Variants in RYK observed in about 807,000 individuals in gnomAD.
RYK encodes the protein receptor like tyrosine kinase.
RYK carries 21 observed loss-of-function variants against 70.2 expected under a neutral mutation model. That is an observed-to-expected ratio of 0.30 (90% CI 0.21 to 0.43). RYK has a LOEUF of 0.43. RYK is among the 20% of genes least tolerant of loss of function. The pLI is 1.00. For missense variants in RYK, 604 were observed against 753.3 expected (o/e 0.80, Z 2.32); for synonymous variants, 267 against 278.0 (o/e 0.96, Z 0.39).
At chr3:134,163,020 G>C (rs1187375395) in intron 13 of RYK, among the ~76,000 whole-genome samples, 3 of 152,184 alleles carry the variant, frequency 2.0e-5, no homozygotes, top group African/African-American at 7.2e-5. Flanking sequence ...TTGAGATCTG[G>C]AGTTGAATGT....
intron 1 of RYK, among the ~76,000 whole-genome samples, chr3:134,233,033 A>G (rs548486650): frequency 1.3e-5 from 2 of 152,364 alleles, no homozygotes; most frequent in South Asian, 4.1e-4. Flanking sequence ...AGCAAGCTGC[A>G]CTTACTCTGG....
chr3:134,236,042 G>A (rs145027348), intron 1 of RYK, among the ~76,000 whole-genome samples: 18 of 151,942 alleles, frequency 1.2e-4, no homozygotes, highest in Admixed American at 2.0e-4. Context: ...TGGGACACCC[G>A]CATGGTCAAA....
At chr3:134,189,392 C>A (rs772261596) in intron 8 of RYK, among the ~76,000 whole-genome samples, 2 of 152,126 alleles carry the variant, frequency 1.3e-5, no homozygotes, top group Non-Finnish European at 2.9e-5. Flanking sequence ...ATTCCTTCTA[C>A]CACTCACTCC....
At chr3:134,248,645 T>C (rs1260199301) in intron 1 of RYK, among the ~76,000 whole-genome samples, 1 of 151,928 alleles carries the variant, frequency 6.6e-6, no homozygotes, top group Middle Eastern at 3.2e-3. Flanking sequence ...GGTGAAACCC[T>C]GTCTCTACTA....
chr3:134,216,402 ACGAATTCCT>A lies in RYK; in HGVS notation c.355-4804_355-4796del, dbSNP rs200880048. On this transcript the variant is annotated intron_variant, in intron 2 of 14. Coordinates refer to ENST00000623711, the MANE Select transcript of RYK (RefSeq NM_002958.4). ...TCCCTGCAACTCCTAGAAAATGATG[ACGAATTCCT>A]GAAAGCACAGAACAGCCATGGGGTA... 3.0e-3 allele frequency among the ~76,000 whole-genome samples: 452 copies of A among 152,256 alleles called. 2 individuals are homozygous for A. The highest frequency in any genetic ancestry group is 9.9e-3 in the African/African-American group (410 of 41,546).
chr3:134,185,756 T>C (rs2013440352), intron 9 of RYK, among the ~76,000 whole-genome samples: 1 of 152,240 alleles, frequency 6.6e-6, no homozygotes, highest in South Asian at 2.1e-4. Context: ...AAAAGACTTT[T>C]ACCATTCCCT....
Position 134,232,314 on chromosome 3 carries a change from GA to G in RYK, c.233-9776del, listed in dbSNP as rs199999503. On this transcript the variant is annotated intron_variant, in intron 1 of 14. Transcript: ENST00000623711. ...ACATCAGACATACACCATCAGCTCA[GA>G]AAAAAACACCCAATCTTGAACTCAC... is the stretch of plus-strand genomic sequence containing the variant. Among the ~76,000 whole-genome samples, 549 of 152,052 alleles carry G rather than the reference GA, an allele frequency of 3.6e-3. 3 individuals are homozygous for G. The highest frequency in any genetic ancestry group is 6.4e-3 in the Non-Finnish European group (433 of 67,970).
In RYK at chr3:134,161,739, T is replaced by A. The variant is rs78324873; in HGVS notation, c.1576-2366A>T. On this transcript the variant is annotated intron_variant, in intron 13 of 14. Coordinates refer to ENST00000623711, the MANE Select transcript of RYK (RefSeq NM_002958.4). ...AACAGAACATCTATATAGCCCTACA[T>A]CTATTAAAGATACTGAATTCACAAT... 2.5e-3 allele frequency among the ~76,000 whole-genome samples: 381 copies of A among 152,240 alleles called. 1 individual carries two copies. Among genetic ancestry groups the A allele is most frequent in the African/African-American group, 8.5e-3 (352 of 41,528 alleles).
intron 5 of RYK, among the ~76,000 whole-genome samples, chr3:134,206,334 C>G (rs1297965133): frequency 6.6e-6 from 1 of 152,040 alleles, no homozygotes; most frequent in Admixed American, 6.5e-5. Context: ...GAAAAACAAA[C>G]AAACAAACAT....
At position 134,202,836 on chromosome 3, in the gene RYK, C is replaced by A. The variant is rs2014068560; in HGVS notation, c.682G>T (p.Val228Leu). 12 of 1,613,700 alleles carry A rather than the reference C, an allele frequency of 7.4e-6. No individual in the cohort carries two copies. In the East Asian group the frequency reaches 2.7e-4, roughly 36 times the overall value. Reference sequence around the variant, plus strand: ...CAAACCCCTACACTAATATAAAACACACGCGTAGAAGTGGTTGGAGCTGCA... The same window carrying A: ...CAAACCCCTACACTAATATAAAACAAACGCGTAGAAGTGGTTGGAGCTGCA... ...VHAAPTTSTRVFYISVGVCCA... is the reference protein window; with the variant it reads ...VHAAPTTSTRLFYISVGVCCA... Residue 228 changes from valine to leucine, a missense_variant, in exon 6 of 15, where the codon GTG (valine) becomes TTG (leucine). Transcript: ENST00000623711.
intron 9 of RYK, chr3:134,183,507 A>T (rs192127441): frequency 3.9e-5 from 6 of 152,378 alleles, no homozygotes; most frequent in Admixed American, 3.3e-4. Context: ...TAAGAAATGC[A>T]AATTAAACCA....
At chr3:134,188,104 T>C (rs1032548282) in intron 9 of RYK, among the ~76,000 whole-genome samples, 1 of 151,450 alleles carries the variant, frequency 6.6e-6, no homozygotes, top group African/African-American at 2.4e-5. Flanking sequence ...AGTTATTCTG[T>C]TCATGACAAT....
At chr3:134,160,613 A>C (rs1406607996) in intron 13 of RYK, among the ~76,000 whole-genome samples, 1 of 152,186 alleles carries the variant, frequency 6.6e-6, no homozygotes, top group East Asian at 1.9e-4. Context: ...CACACCTGTA[A>C]TCCCAGCACT....
intron 9 of RYK, among the ~76,000 whole-genome samples, chr3:134,185,410 C>T (rs913319656): frequency 6.6e-6 from 1 of 152,222 alleles, no homozygotes; most frequent in African/African-American, 2.4e-5. Flanking sequence ...CTTCGTCTTG[C>T]TTCACTTCCA....
chr3:134,220,484 T>C (rs980099500), intron 2 of RYK, among the ~76,000 whole-genome samples: 5 of 152,026 alleles, frequency 3.3e-5, no homozygotes, highest in Non-Finnish European at 7.4e-5. Flanking sequence ...TATTAGAAAA[T>C]GAAGGTCAAA....
rs749356153 is a variant in RYK at position 134,175,656 on chromosome 3, C to A, written c.1528G>T (p.Ala510Ser). 6.2e-7 allele frequency: 1 copy of A among 1,613,872 alleles called. No individual in the cohort carries two copies. Among genetic ancestry groups the A allele is most frequent in the Non-Finnish European group, 8.5e-7 (1 of 1,179,896 alleles). The change falls in exon 13 of 15, where the codon GCT becomes TCT. Residue 510 changes from alanine to serine, a missense_variant. Physicochemically the swap from Ala to Ser is moderately conservative, Grantham distance 99. Around this residue, in one of 2 missense-constraint regions of RYK, gnomAD observed 138 missense variants for 217.4 expected, o/e 0.63. Transcript: ENST00000623711. ...TCGTTATTAACCAGACTTTCAAGAGCCATCCAACGAACTGGCCTGTTTTCA... is the reference window on the plus strand; with the variant it reads ...TCGTTATTAACCAGACTTTCAAGAGACATCCAACGAACTGGCCTGTTTTCA... The part of the protein sequence containing the change: ...DNENRPVRWM[A>S]LESLVNNEFS...
chr3:134,201,924 A>G (rs1215402939), intron 6 of RYK, among the ~76,000 whole-genome samples: 1 of 152,176 alleles, frequency 6.6e-6, no homozygotes, highest in Non-Finnish European at 1.5e-5. Flanking sequence ...CTATCATTCC[A>G]TCTGTACCTC....
At chr3:134,218,040 C>T (rs1441256673) in intron 2 of RYK, among the ~76,000 whole-genome samples, 1 of 152,102 alleles carries the variant, frequency 6.6e-6, no homozygotes, top group African/African-American at 2.4e-5. Flanking sequence ...AATTTTATAC[C>T]TGTTACAGAT....
chr3:134,202,121 T>A (rs961632528), intron 6 of RYK, among the ~76,000 whole-genome samples: 1 of 152,116 alleles, frequency 6.6e-6, no homozygotes, highest in African/African-American at 2.4e-5. Flanking sequence ...TTCTTTCTGT[T>A]CCCAGCACTT....
Sources: allele counts gnomAD v4.1 joint callset (sites outside exome capture counted in the v4.1 genomes callset), GRCh38; gene constraint gnomAD v4.1.1; regional missense constraint gnomAD v4.1.1; transcripts MANE v1.5; gene names NCBI Gene and HGNC (gene_info 2026-07-23, HGNC 2026-07-21).